Variants in TBC1D1 observed in about 807,000 individuals in gnomAD.
TBC1D1 encodes TBC1 (tre-2/USP6, BUB2, cdc16) domain family, member 1.
Under a neutral mutation model 125.6 loss-of-function variants are expected in TBC1D1, and 89 were observed. That is an observed-to-expected ratio of 0.71 (90% confidence interval 0.60 to 0.85). The LOEUF is 0.85. Ranked by LOEUF, TBC1D1 falls within the 40% of genes least tolerant of loss-of-function variation. The pLI is 0.00. For synonymous variants in TBC1D1, 565 were observed against 564.1 expected (o/e 1.00, Z -0.02); for missense variants, 1,377 against 1,469.2 (o/e 0.94, Z 1.03).
intron 16 of TBC1D1, 128 bp downstream of exon 18, chr4:38,116,082 G>T (rs1762939499): frequency 2.0e-6 from 2 of 1,004,586 alleles, no homozygotes; most frequent in Admixed American, 2.4e-5. Context: ...GCTGATAAAG[G>T]ACTCTGTGCT....
chr4:37,892,388 C>T (rs1485846449), intron 1 of TBC1D1, among the ~76,000 whole-genome samples: 1 of 151,904 alleles, frequency 6.6e-6, no homozygotes, highest in Non-Finnish European at 1.5e-5. Flanking sequence ...CTCACTGGAG[C>T]CTGGGTGACA....
intron 2 of TBC1D1, among the ~76,000 whole-genome samples, chr4:37,982,421 G>A (rs772649583): frequency 6.6e-5 from 10 of 151,584 alleles, no homozygotes; most frequent in Non-Finnish European, 1.3e-4. Context: ...GTTTAATAAG[G>A]AGGGGAGAAC....
intron 8 of TBC1D1, among the ~76,000 whole-genome samples, chr4:38,040,577 G>A (rs1748169686): frequency 6.6e-6 from 1 of 152,238 alleles, no homozygotes; most frequent in African/African-American, 2.4e-5. Context: ...GTGAGCCACT[G>A]CGCCTGGCTC....
At position 38,118,115 on chromosome 4, in the gene TBC1D1, C is replaced by T. The variant is rs1763268651; in HGVS notation, c.2885C>T (p.Pro962Leu). ...CACCTGGAGGAGCACGAGATCGGCC[C>T]CAGCCTCTACGCTGCCCCCTGGTTC... Residue 962 changes from proline (P) to leucine (L), a missense_variant, in exon 17 of 20, where the codon CCC (proline) becomes CTC (leucine). By Grantham distance (98) the Pro-to-Leu change is moderately conservative (BLOSUM62 -3). Transcript: ENST00000261439. 2 of 1,614,206 alleles carry T rather than the reference C, an allele frequency of 1.2e-6. No individual in the cohort carries two copies. Among genetic ancestry groups the T allele is most frequent in the African/African-American group, 1.3e-5 (1 of 75,056 alleles).
chr4:38,075,511 G>C (rs1371149564), intron 12 of TBC1D1, among the ~76,000 whole-genome samples: 2 of 152,214 alleles, frequency 1.3e-5, no homozygotes, highest in African/African-American at 4.8e-5. Flanking sequence ...GTTGGGTTGG[G>C]AGAAGAATTG....
intron 2 of TBC1D1, chr4:37,952,212 T>C (rs1728030361): frequency 1.6e-6 from 1 of 620,768 alleles, no homozygotes; most frequent in Non-Finnish European, 2.9e-6. Flanking sequence ...GCTTGGAAGT[T>C]TTGTTGTGAT....
At chr4:38,025,185 A>T (rs1744831707) in intron 6 of TBC1D1, among the ~76,000 whole-genome samples, 1 of 152,214 alleles carries the variant, frequency 6.6e-6, no homozygotes, top group Non-Finnish European at 1.5e-5. Context: ...CCGTTTCTGC[A>T]CCGCCAGGGA....
At chr4:38,106,472 T>A (rs1033834590) in intron 15 of TBC1D1, among the ~76,000 whole-genome samples, 1 of 152,160 alleles carries the variant, frequency 6.6e-6, no homozygotes, top group African/African-American at 2.4e-5. Context: ...AGCAGTTTTG[T>A]GAATTGGCAG....
chr4:38,006,900 C>T (rs1740394622), intron 2 of TBC1D1: 1 of 475,434 alleles, frequency 2.1e-6, no homozygotes, highest in African/African-American at 2.0e-5. Flanking sequence ...CTGCAGAATC[C>T]AAGAAACCAG....
chr4:37,897,169 T>C (rs1714825618), intron 1 of TBC1D1, among the ~76,000 whole-genome samples: 1 of 152,204 alleles, frequency 6.6e-6, no homozygotes, highest in African/African-American at 2.4e-5. Context: ...TGGATTGAGA[T>C]GGCTTTAAAA....
intron 7 of TBC1D1, chr4:38,030,442 T>G (rs1228054226): frequency 1.3e-5 from 2 of 152,260 alleles, no homozygotes; most frequent in African/African-American, 4.8e-5. Flanking sequence ...GGCTCTCGCC[T>G]TGTCTTCCAT....
intron 6 of TBC1D1, among the ~76,000 whole-genome samples, chr4:38,024,264 C>G (rs1744644117): frequency 6.6e-6 from 1 of 152,138 alleles, no homozygotes; most frequent in African/African-American, 2.4e-5. Flanking sequence ...ATCACTAACC[C>G]TTTCCTTAAT....
intron 8 of TBC1D1, among the ~76,000 whole-genome samples, chr4:38,036,572 T>C (rs1205939238): frequency 6.6e-6 from 1 of 152,206 alleles, no homozygotes; most frequent in African/African-American, 2.4e-5. Flanking sequence ...TGCTCAGTGG[T>C]GTGCCCTGTC....
intron 6 of TBC1D1, 31 bp downstream of exon 6, chr4:38,021,749 C>A: frequency 6.7e-7 from 1 of 1,495,412 alleles, no homozygotes; most frequent in Non-Finnish European, 8.9e-7. Context: ...AGCATGAACA[C>A]AGTGGGAGTT....
chr4:38,040,391 C>T (rs1483967621), intron 8 of TBC1D1, among the ~76,000 whole-genome samples: 3 of 152,272 alleles, frequency 2.0e-5, no homozygotes, highest in East Asian at 1.9e-4. Context: ...CGGGTTCAAG[C>T]GATTCTCCTG....
At chr4:38,089,289 G>T (rs191401556) in intron 12 of TBC1D1, among the ~76,000 whole-genome samples, 3 of 152,330 alleles carry the variant, frequency 2.0e-5, no homozygotes, top group Admixed American at 1.3e-4. Flanking sequence ...AAAATGCCCA[G>T]CGCAGTGCCC....
At position 37,977,768 on chromosome 4, in the gene TBC1D1, T is replaced by C. The variant is rs1304387101; in HGVS notation, c.418-36741T>C. Among the ~76,000 whole-genome samples, 3 of 152,076 alleles carry C rather than the reference T, an allele frequency of 2.0e-5. No homozygotes were observed. The highest frequency in any genetic ancestry group is 1.9e-4 in the East Asian group (1 of 5,132). On this transcript the variant is annotated intron_variant, in intron 2 of 19. Coordinates refer to ENST00000261439, the MANE Select transcript of TBC1D1 (RefSeq NM_015173.4). This position sits in a 1 kb window ranked among gnomAD's most constrained non-coding sequence, Gnocchi z 4.3. Reference sequence around the variant, plus strand: ...ATTTCACAGTTGGGGAGACTGAGGCTGTACTCGGGGACCCCTGCGGGAGCC... The same window carrying C: ...ATTTCACAGTTGGGGAGACTGAGGCCGTACTCGGGGACCCCTGCGGGAGCC...
At chr4:38,051,316 T>C (rs560684211) in intron 11 of TBC1D1, among the ~76,000 whole-genome samples, 3 of 152,326 alleles carry the variant, frequency 2.0e-5, no homozygotes, top group Non-Finnish European at 2.9e-5. Flanking sequence ...TGTGAGCTCT[T>C]TTCCGATTTA....
At chr4:37,892,428 A>C (rs1213406445) in intron 1 of TBC1D1, among the ~76,000 whole-genome samples, 1 of 151,668 alleles carries the variant, frequency 6.6e-6, no homozygotes, top group Admixed American at 6.6e-5. Context: ...AAAAAAAAAG[A>C]GTTTAGGGGA....
Sources: gnomAD v4.1 joint callset for allele counts (sites outside exome capture counted in the v4.1 genomes callset) on GRCh38, gnomAD v4.1.1 for gene constraint, Gnocchi (gnomAD v3.1) non-coding constraint, MANE v1.5 for transcripts, NCBI Gene and HGNC (gene_info 2026-07-23, HGNC 2026-07-21) for gene names.